The following PHF13 variants were observed in gnomAD, a reference collection of about 807,000 sequenced individuals.
PHF13 encodes PHD finger protein 13, also known as PHD zinc finger protein PHF5.
Under a neutral mutation model 25.8 loss-of-function variants are expected in PHF13, and 1 was observed. That is an observed-to-expected ratio of 0.04 (90% CI 0.01 to 0.18). PHF13 has a LOEUF of 0.18. Among genes scored for constraint, PHF13 ranks in the 10% least tolerant of loss-of-function variants. The pLI, the probability that PHF13 is intolerant of heterozygous loss-of-function variation, is 1.00. For missense variants in PHF13, 306 were observed against 403.2 expected, an observed-to-expected ratio of 0.76 and a Z score of 2.06; for synonymous variants, 195 against 162.4, an observed-to-expected ratio of 1.20 and a Z score of -1.53.
rs1161334311 is a variant in PHF13 at position 6,621,155 on chromosome 1, A to G, written c.677-256A>G. Among the ~76,000 whole-genome samples, 1 of 150,966 alleles carries G rather than the reference A, an allele frequency of 6.6e-6. No homozygotes were observed. The highest frequency in any genetic ancestry group is 1.5e-5 in the Non-Finnish European group (1 of 67,772). ...TGAGGCTGCAGTGAGGTATGATTGC[A>G]CCACTGCACTCCAGCCAGGGTGACA... On this transcript the variant is annotated intron_variant, in intron 3 of 3. Coordinates refer to ENST00000377648, the MANE Select transcript of PHF13 (RefSeq NM_153812.3). The surrounding 1 kb of genome is among the most constrained non-coding windows in gnomAD (Gnocchi z 4.8).
At chr1:6,614,857 A>C in intron 1 of PHF13, among the ~76,000 whole-genome samples, 2 of 147,534 alleles carry the variant, frequency 1.4e-5, no homozygotes, top group Non-Finnish European at 1.5e-5. Context: ...CCCTCCCCCC[A>C]GCCGAGGCTC....
Position 6,621,840 on chromosome 1 carries a change from C to T in PHF13, c.*203C>T. The T allele has an allele frequency of 1.6e-6, 1 of 613,106 alleles. No homozygotes were observed. The allele number at this position is 613,106 out of a possible 1,614,324, so 38.0% of individuals were successfully genotyped here. ...ATGCGACCTTTGCCAGCCAGAGCTGCTGCCAGAGCTGCGTTCCCTGCAGTG... is the reference window on the plus strand; with the variant it reads ...ATGCGACCTTTGCCAGCCAGAGCTGTTGCCAGAGCTGCGTTCCCTGCAGTG... On this transcript the variant is annotated 3_prime_UTR_variant, in exon 4 of 4. Transcript: ENST00000377648. This position sits in a 1 kb window ranked among gnomAD's most constrained non-coding sequence, Gnocchi z 4.8.
At chr1:6,616,435 G>A (rs1641261899) in intron 1 of PHF13, among the ~76,000 whole-genome samples, 1 of 152,132 alleles carries the variant, frequency 6.6e-6, no homozygotes, top group African/African-American at 2.4e-5. Flanking sequence ...TTAGAGCTTC[G>A]CCTGATAGGC....
intron 2 of PHF13, 103 bp from the exon 3 acceptor site, chr1:6,619,700 C>G: frequency 8.4e-7 from 1 of 1,190,760 alleles, no homozygotes; most frequent in Non-Finnish European, 1.2e-6. Flanking sequence ...CAAAGTTGTG[C>G]AGATGTCTCT....
At chr1:6,617,174 A>G (rs915148366) in intron 2 of PHF13, among the ~76,000 whole-genome samples, 3 of 147,106 alleles carry the variant, frequency 2.0e-5, no homozygotes, top group Non-Finnish European at 4.5e-5. Flanking sequence ...GTAAAACTCC[A>G]CCCCCGGGTT....
intron 1 of PHF13, chr1:6,614,408 G>GA: frequency 2.8e-6 from 1 of 359,602 alleles, no homozygotes; most frequent in Non-Finnish European, 5.1e-6. Context: ...GTCGACCTGG[G>GA]ACCTGTCGGC....
At chr1:6,617,939 G>A (rs1168092307) in intron 2 of PHF13, among the ~76,000 whole-genome samples, 1 of 152,214 alleles carries the variant, frequency 6.6e-6, no homozygotes, top group Non-Finnish European at 1.5e-5. Context: ...GCTGGACTCA[G>A]TGCACACGCT....
chr1:6,618,363 C>T (rs1345133510), intron 2 of PHF13, among the ~76,000 whole-genome samples: 1 of 152,196 alleles, frequency 6.6e-6, no homozygotes, highest in Admixed American at 6.5e-5. Flanking sequence ...AAACTCCTGG[C>T]CTCAAGTGAC....
intron 1 of PHF13, chr1:6,614,639 C>T (rs1189195141): frequency 1.3e-5 from 2 of 151,518 alleles, no homozygotes; most frequent in Non-Finnish European, 3.0e-5. Context: ...GGCCCCCGCC[C>T]CCTACGGCTC....
chr1:6,615,026 C>T (rs1476086658), intron 1 of PHF13, among the ~76,000 whole-genome samples: 1 of 148,614 alleles, frequency 6.7e-6, no homozygotes, highest in Non-Finnish European at 1.5e-5. Flanking sequence ...CACACATACT[C>T]GCGGGATGGG....
intron 1 of PHF13, among the ~76,000 whole-genome samples, chr1:6,615,738 G>A (rs1207369737): frequency 6.6e-6 from 1 of 152,226 alleles, no homozygotes; most frequent in Non-Finnish European, 1.5e-5. Context: ...GCTTCTCTCA[G>A]GAGAAAATAT....
chr1:6,617,379 C>T (rs577179675), intron 2 of PHF13, among the ~76,000 whole-genome samples: 4 of 151,568 alleles, frequency 2.6e-5, no homozygotes, highest in Admixed American at 6.6e-5. Context: ...AGCTACCGCC[C>T]AGCCGATTTA....
At chr1:6,617,142 G>T (rs1333242485) in intron 2 of PHF13, among the ~76,000 whole-genome samples, 2 of 152,118 alleles carry the variant, frequency 1.3e-5, no homozygotes, top group Non-Finnish European at 2.9e-5. Context: ...TTGCTCTGTC[G>T]CCCAGGCTGG....
Position 6,621,721 on chromosome 1 carries a change from C to A in PHF13, c.*84C>A. 3 of 1,368,800 alleles carry A rather than the reference C, an allele frequency of 2.2e-6. No individual in the cohort carries two copies. Among genetic ancestry groups the A allele is most frequent in the East Asian group, 2.4e-5 (1 of 42,196 alleles). 84.8% of individuals were successfully genotyped at this position (1,368,800 alleles called of 1,614,324 possible). Reference sequence around the variant, plus strand: ...CCCTTCTCTTAGTTGAGCACAGAACCCTCAGCTCTGGTGCGGGCAGATCCC... The same window carrying A: ...CCCTTCTCTTAGTTGAGCACAGAACACTCAGCTCTGGTGCGGGCAGATCCC... On this transcript the variant is annotated 3_prime_UTR_variant, in exon 4 of 4. Coordinates refer to ENST00000377648, the MANE Select transcript of PHF13 (RefSeq NM_153812.3). This position sits in a 1 kb window ranked among gnomAD's most constrained non-coding sequence, Gnocchi z 4.8.
chr1:6,621,674 G>C lies in PHF13; in HGVS notation c.*37G>C. 2 of 1,601,300 alleles carry C rather than the reference G, an allele frequency of 1.2e-6. No individual in the cohort carries two copies. The highest frequency in any genetic ancestry group is 8.6e-7 in the Non-Finnish European group (1 of 1,169,422). On this transcript the variant is annotated 3_prime_UTR_variant, in exon 4 of 4. Transcript: ENST00000377648. The surrounding 1 kb of genome is among the most constrained non-coding windows in gnomAD (Gnocchi z 4.8). ...CGAGGAGGCTGCGAGCGTGGAATCG[G>C]AAGCGACCGCGGGCTTTTTTGCCCT...
At chr1:6,617,811 A>G (rs1397827221) in intron 2 of PHF13, among the ~76,000 whole-genome samples, 1 of 152,190 alleles carries the variant, frequency 6.6e-6, no homozygotes, top group Non-Finnish European at 1.5e-5. Context: ...TAATGCTATG[A>G]GGTAGGTGCT....
At chr1:6,616,177 C>T (rs1219418721) in intron 1 of PHF13, among the ~76,000 whole-genome samples, 1 of 151,932 alleles carries the variant, frequency 6.6e-6, no homozygotes, top group Non-Finnish European at 1.5e-5. Context: ...TACAGGTGCA[C>T]GCCACCACGC....
rs1487402051 is a variant in PHF13 at position 6,621,931 on chromosome 1, G to C, written c.*294G>C. ...TTGAAAATGAGGGTCCGTGGTAGCT[G>C]TGCGTTTTGCTATCATTGCTAAGAG... On this transcript the variant is annotated 3_prime_UTR_variant, in exon 4 of 4. Transcript: ENST00000377648. The surrounding 1 kb of genome is among the most constrained non-coding windows in gnomAD (Gnocchi z 4.8). 4 of 473,208 alleles carry C rather than the reference G, an allele frequency of 8.5e-6. No individual in the cohort carries two copies. The highest frequency in any genetic ancestry group is 3.9e-5 in the African/African-American group (2 of 51,064). 29.3% of individuals were successfully genotyped at this position (473,208 alleles called of 1,614,324 possible). A position where few individuals can be genotyped will look rare whatever the true frequency, so the allele number is the denominator to read the frequency against.
chr1:6,614,689 G>A (rs1641229066), intron 1 of PHF13: 2 of 150,522 alleles, frequency 1.3e-5, no homozygotes, highest in African/African-American at 4.9e-5. Context: ...CCGCTCTGGG[G>A]ACCCGAGTCC....
Sources: allele counts gnomAD v4.1 joint callset (sites outside exome capture counted in the v4.1 genomes callset), GRCh38; gene constraint gnomAD v4.1.1; non-coding constraint Gnocchi (gnomAD v3.1); transcripts MANE v1.5; gene names NCBI Gene and HGNC (gene_info 2026-07-23, HGNC 2026-07-21).